TBC1D4: variants seen among roughly 807,000 people sequenced by gnomAD.
TBC1D4 encodes TBC (Tre-2, BUB2, CDC16) domain-containing protein.
In TBC1D4, 121 loss-of-function variants were observed where a neutral mutation model predicts 142.5. The observed-to-expected ratio is 0.85, with a 90% CI of 0.73 to 0.99. The LOEUF is 0.99. Among genes scored for constraint, TBC1D4 ranks in the 50% least tolerant of loss-of-function variants. The pLI is 0.00. For synonymous variants in TBC1D4, 630 were observed against 628.2 expected, an observed-to-expected ratio of 1.00 and a Z score of -0.04; for missense variants, 1,475 against 1,606.6, an observed-to-expected ratio of 0.92 and a Z score of 1.40.
intron 1 of TBC1D4, among the ~76,000 whole-genome samples, chr13:75,461,736 A>C (rs1025731893): frequency 6.6e-6 from 1 of 152,242 alleles, no homozygotes; most frequent in African/African-American, 2.4e-5. Flanking sequence ...CATTTTGTTA[A>C]AGAATGAAAA....
chr13:75,422,668 A>G (rs1886218549), intron 1 of TBC1D4, among the ~76,000 whole-genome samples: 1 of 152,198 alleles, frequency 6.6e-6, no homozygotes, highest in Non-Finnish European at 1.5e-5. Flanking sequence ...CAGTAAGACT[A>G]TGGAAAGGAT....
chr13:75,431,010 G>T (rs118186704), intron 1 of TBC1D4, among the ~76,000 whole-genome samples: 3 of 152,134 alleles, frequency 2.0e-5, no homozygotes, highest in Non-Finnish European at 4.4e-5. Context: ...CCTGAGGGGT[G>T]CCCAGCAAAT....
chr13:75,392,638 C>T (rs933025216), intron 1 of TBC1D4, among the ~76,000 whole-genome samples: 1 of 149,402 alleles, frequency 6.7e-6, no homozygotes. Context: ...TACTTCTTCA[C>T]CTTCTTCTTT....
intron 7 of TBC1D4, among the ~76,000 whole-genome samples, chr13:75,339,626 A>AGTGC (rs969384239): frequency 5.3e-5 from 8 of 150,116 alleles, no homozygotes; most frequent in South Asian, 2.1e-4. Context: ...TCGCCTGGGG[A>AGTGC]GTGCAATGGC....
At chr13:75,479,648 G>C (rs73539577) in intron 1 of TBC1D4, among the ~76,000 whole-genome samples, 5,780 of 151,534 alleles carry the variant, frequency 0.038, 365 homozygotes, top group African/African-American at 0.13. Context: ...GTTCCTTAAA[G>C]TCCTGGAAAA....
chr13:75,297,385 T>C (rs1167014304), intron 17 of TBC1D4, among the ~76,000 whole-genome samples: 1 of 152,182 alleles, frequency 6.6e-6, no homozygotes, highest in Non-Finnish European at 1.5e-5. Context: ...ATTCTAATAA[T>C]AGCTACCAAA....
chr13:75,481,825 C>G lies in TBC1D4; in HGVS notation c.-58G>C. 1.4e-6 allele frequency: 2 copies of G among 1,427,554 alleles called. No homozygotes were observed. The highest frequency in any genetic ancestry group is 1.8e-6 in the Non-Finnish European group (2 of 1,100,240). 88.4% of individuals were successfully genotyped at this position (1,427,554 alleles called of 1,614,324 possible). A position where few individuals can be genotyped will look rare whatever the true frequency, so the allele number is the denominator to read the frequency against. On this transcript the variant is annotated 5_prime_UTR_variant, in exon 1 of 21. Transcript: ENST00000377636. The stretch of plus-strand genomic sequence containing the variant: ...GGCCGGGCGCACCGCGCCCCCCACT[C>G]CCGCGCAGAAGGCGCCGCCGAAACT...
chr13:75,373,114 G>A (rs74096235), intron 1 of TBC1D4, among the ~76,000 whole-genome samples: 4,567 of 152,238 alleles, frequency 0.03, 232 homozygotes, highest in African/African-American at 0.1. Context: ...AAGGAGCGAC[G>A]GCTCAGCCCA....
chr13:75,326,223 C>T lies in TBC1D4; in HGVS notation c.2007G>A (p.Leu669=). The change falls in exon 10 of 21, where the codon CTG becomes CTA. Residue 669 remains leucine, a synonymous_variant. Coordinates refer to ENST00000377636, the MANE Select transcript of TBC1D4 (RefSeq NM_014832.5). The part of the protein sequence containing the change: ...GRAQGVRSPL[L]RQSSSEQCSN... ...TGCACTGTTCACTGGAGCTCTGCCT[C>T]AGCAGAGGGGAACGCACACCCTGAG... 6.2e-7 allele frequency: 1 copy of T among 1,614,144 alleles called. No homozygotes were observed. The highest frequency in any genetic ancestry group is 8.5e-7 in the Non-Finnish European group (1 of 1,180,008).
At chr13:75,410,106 T>G (rs1885562832) in intron 1 of TBC1D4, among the ~76,000 whole-genome samples, 1 of 152,352 alleles carries the variant, frequency 6.6e-6, no homozygotes, top group African/African-American at 2.4e-5. Context: ...GAGGTTTAAA[T>G]AAGCTAATGT....
intron 1 of TBC1D4, among the ~76,000 whole-genome samples, chr13:75,435,180 T>C (rs73537573): frequency 0.034 from 5,163 of 151,930 alleles, 296 homozygotes; most frequent in African/African-American, 0.11. Context: ...TAAAAGAGAA[T>C]GGCAAATTAA....
chr13:75,341,529 A>T lies in TBC1D4; in HGVS notation c.1467T>A (p.Asp489Glu). The change falls in exon 6 of 21, where the codon GAT becomes GAA. Residue 489 changes from aspartate to glutamate, a missense_variant. This residue lies in a region of TBC1D4 where 1,227 missense variants were observed against 1,267.7 expected (regional missense o/e 0.97). Coordinates refer to ENST00000377636, the MANE Select transcript of TBC1D4 (RefSeq NM_014832.5). ...VIQRHLSSLT[D>E]NEQADIFERV... Reference sequence around the variant, plus strand: ...TTTCAAAGATGTCAGCTTGCTCATTATCTGTCAGTGATGAGAGATGCCTCT... The same window carrying T: ...TTTCAAAGATGTCAGCTTGCTCATTTTCTGTCAGTGATGAGAGATGCCTCT... 6.2e-7 allele frequency: 1 copy of T among 1,614,122 alleles called. No individual in the cohort carries two copies. The highest frequency in any genetic ancestry group is 8.5e-7 in the Non-Finnish European group (1 of 1,180,024).
Position 75,481,260 on chromosome 13 carries a change from CCT to C in TBC1D4, c.498+8_498+9del, listed in dbSNP as rs778289718. On this transcript the variant is annotated splice_region_variant and intron_variant, in intron 1 of 20. Coordinates refer to ENST00000377636, the MANE Select transcript of TBC1D4 (RefSeq NM_014832.5). ...GAGCCCGCCCCCGCGCCTCCGAGCC[CCT>C]GTCTTGCCTGGCTGGGGTCTGTGGC... The C allele has an allele frequency of 5.6e-6, 9 of 1,612,824 alleles. No homozygotes were observed. Among genetic ancestry groups the C allele is most frequent in the South Asian group, 1.1e-5 (1 of 90,982 alleles).
intron 1 of TBC1D4, among the ~76,000 whole-genome samples, chr13:75,426,850 CAGGCAACATGGGGAGA>C (rs1369577089): frequency 6.7e-6 from 1 of 148,358 alleles, no homozygotes; most frequent in Non-Finnish European, 1.5e-5. Context: ...GAGATCAGCC[CAGGCAACATGGGGAGA>C]CCCTGTCTGG....
At chr13:75,426,276 G>T (rs1321665171) in intron 1 of TBC1D4, among the ~76,000 whole-genome samples, 1 of 152,136 alleles carries the variant, frequency 6.6e-6, no homozygotes, top group Non-Finnish European at 1.5e-5. Flanking sequence ...ACCAAAAAGA[G>T]AAGAGACCAC....
intron 1 of TBC1D4, among the ~76,000 whole-genome samples, chr13:75,388,314 T>C (rs1470794635): frequency 6.6e-6 from 1 of 152,186 alleles, no homozygotes; most frequent in Non-Finnish European, 1.5e-5. Context: ...AGCACATATT[T>C]AAGGGGCCAT....
chr13:75,402,316 A>T (rs1241647947), intron 1 of TBC1D4, among the ~76,000 whole-genome samples: 3 of 152,174 alleles, frequency 2.0e-5, no homozygotes, highest in African/African-American at 7.2e-5. Context: ...GCAGACTTAA[A>T]AGGGTTTTGT....
intron 1 of TBC1D4, among the ~76,000 whole-genome samples, chr13:75,464,772 G>T (rs1888103654): frequency 2.0e-5 from 3 of 152,202 alleles, no homozygotes; most frequent in Non-Finnish European, 2.9e-5. Flanking sequence ...ACTGGCTTGG[G>T]CCTGGATTCC....
chr13:75,462,241 C>A (rs1888000374), intron 1 of TBC1D4, among the ~76,000 whole-genome samples: 1 of 152,136 alleles, frequency 6.6e-6, no homozygotes, highest in Admixed American at 6.5e-5. Flanking sequence ...ACGGAAACAG[C>A]AAATGGACCA....
Sources: allele counts gnomAD v4.1 joint callset (sites outside exome capture counted in the v4.1 genomes callset), GRCh38; gene constraint gnomAD v4.1.1; regional missense constraint gnomAD v4.1.1; transcripts MANE v1.5; gene names NCBI Gene and HGNC (gene_info 2026-07-23, HGNC 2026-07-21).